The following RBMS3 variants were observed in gnomAD, a reference collection of about 807,000 sequenced individuals.
RBMS3 encodes the protein RNA binding motif single stranded interacting protein 3.
A neutral mutation model predicts 66.8 loss-of-function variants in RBMS3; 27 were observed. The ratio of observed to expected loss-of-function variants is 0.40; its 90% confidence interval spans 0.30 to 0.56. The LOEUF is 0.56. RBMS3 is among the 20% of genes least tolerant of loss of function. RBMS3 has a pLI of 0.40. For missense variants in RBMS3, 513 were observed against 549.5 expected, an observed-to-expected ratio of 0.93 and a Z score of 0.66; for synonymous variants, 188 against 183.0, an observed-to-expected ratio of 1.03 and a Z score of -0.22.
intron 12 of RBMS3, among the ~76,000 whole-genome samples, chr3:29,956,863 C>G (rs1696080795): frequency 6.6e-6 from 1 of 152,042 alleles, no homozygotes. Context: ...TTAGCCTGTG[C>G]AACAAGGCCC....
intron 1 of RBMS3, among the ~76,000 whole-genome samples, chr3:29,309,236 G>C (rs2034221776): frequency 1.3e-5 from 2 of 151,664 alleles, no homozygotes; most frequent in South Asian, 4.1e-4. Context: ...GGAGATATAG[G>C]AGAAAGAACA....
At chr3:29,557,694 AG>A (rs2046410521) in intron 3 of RBMS3, among the ~76,000 whole-genome samples, 1 of 152,196 alleles carries the variant, frequency 6.6e-6, no homozygotes, top group Non-Finnish European at 1.5e-5. Flanking sequence ...TAGAGCATAC[AG>A]GTGGCCTAAA....
intron 1 of RBMS3, among the ~76,000 whole-genome samples, chr3:29,293,433 C>G (rs1474275395): frequency 1.3e-5 from 2 of 151,746 alleles, no homozygotes; most frequent in African/African-American, 4.8e-5. Context: ...AGGAGCAGGT[C>G]AGTTGAGGGT....
At chr3:29,994,971 C>T (rs1488138765) in intron 14 of RBMS3, among the ~76,000 whole-genome samples, 1 of 152,204 alleles carries the variant, frequency 6.6e-6, no homozygotes, top group African/African-American at 2.4e-5. Context: ...GATCAAATTA[C>T]TCTGAGCTAT....
At chr3:29,450,869 A>C (rs546153151) in intron 2 of RBMS3, among the ~76,000 whole-genome samples, 77 of 151,558 alleles carry the variant, frequency 5.1e-4, no homozygotes, top group African/African-American at 1.7e-3. Flanking sequence ...CCCAGTACCC[A>C]CCAGCACGTA....
At chr3:29,700,747 G>A (rs2149287549) in intron 4 of RBMS3, among the ~76,000 whole-genome samples, 1 of 151,952 alleles carries the variant, frequency 6.6e-6, no homozygotes, top group East Asian at 1.9e-4. Flanking sequence ...GGGGAGAAGG[G>A]AATATTTTTC....
chr3:29,771,158 C>T (rs946574198), intron 6 of RBMS3, among the ~76,000 whole-genome samples: 3 of 151,952 alleles, frequency 2.0e-5, no homozygotes, highest in African/African-American at 7.2e-5. Context: ...TTATTTCTTA[C>T]GTCTTTCAGC....
At chr3:29,381,312 C>T (rs186403482) in intron 1 of RBMS3, among the ~76,000 whole-genome samples, 54 of 152,300 alleles carry the variant, frequency 3.5e-4, no homozygotes, top group African/African-American at 1.2e-3. Context: ...TACTTATCAA[C>T]ATCCTACCTG....
intron 1 of RBMS3, among the ~76,000 whole-genome samples, chr3:29,321,984 A>G (rs996788750): frequency 6.6e-6 from 1 of 152,186 alleles, no homozygotes; most frequent in African/African-American, 2.4e-5. Context: ...GATCCCAATC[A>G]TGCCCTTAAT....
At chr3:29,964,004 G>A (rs567889817) in intron 12 of RBMS3, among the ~76,000 whole-genome samples, 1 of 152,060 alleles carries the variant, frequency 6.6e-6, no homozygotes, top group South Asian at 2.1e-4. Context: ...TTCATTGTAT[G>A]TAGAACACCT....
rs558150299 is a variant in RBMS3 at position 29,926,518 on chromosome 3, C to T, written c.940-9568C>T. On this transcript the variant is annotated intron_variant, in intron 10 of 14. Transcript: ENST00000383767. ...AGGCAGCTATTTCTCTTGATCGCCC[C>T]TGTGGTTTGAGCAATGATTTTCCAG... is the stretch of plus-strand genomic sequence containing the variant. 1.3e-5 allele frequency among the ~76,000 whole-genome samples: 2 copies of T among 152,246 alleles called. 1 individual carries two copies. Among genetic ancestry groups the T allele is most frequent in the South Asian group, 4.1e-4 (2 of 4,824 alleles).
At chr3:29,333,008 A>G (rs2035753209) in intron 1 of RBMS3, among the ~76,000 whole-genome samples, 1 of 152,126 alleles carries the variant, frequency 6.6e-6, no homozygotes, top group Non-Finnish European at 1.5e-5. Context: ...ATATAGAAAA[A>G]TTTCAGTAAC....
intron 8 of RBMS3, among the ~76,000 whole-genome samples, chr3:29,896,881 T>C (rs887799741): frequency 6.6e-6 from 1 of 151,616 alleles, no homozygotes; most frequent in Non-Finnish European, 1.5e-5. Context: ...TCGATACAAA[T>C]TGTCCTGTTG....
At chr3:29,574,857 ACACAC>A (rs1227593618) in intron 3 of RBMS3, among the ~76,000 whole-genome samples, 1 of 144,708 alleles carries the variant, frequency 6.9e-6, no homozygotes, top group Non-Finnish European at 1.5e-5. Context: ...ACACACACAC[ACACAC>A]AAGAAAATTA....
chr3:29,836,849 G>C (rs1169889361), intron 6 of RBMS3, among the ~76,000 whole-genome samples: 1 of 150,938 alleles, frequency 6.6e-6, no homozygotes, highest in Non-Finnish European at 1.5e-5. Flanking sequence ...ATTTTTACTT[G>C]TTAATTATGC....
chr3:29,834,453 G>A (rs1345810434), intron 6 of RBMS3, among the ~76,000 whole-genome samples: 1 of 151,856 alleles, frequency 6.6e-6, no homozygotes, highest in African/African-American at 2.4e-5. Context: ...ACTTAAAATG[G>A]GGTGGGCAGC....
chr3:29,807,191 G>C, intron 6 of RBMS3, among the ~76,000 whole-genome samples: 1 of 151,894 alleles, frequency 6.6e-6, no homozygotes, highest in South Asian at 2.1e-4. Flanking sequence ...ACATAAAACT[G>C]TCAGTATCAA....
chr3:29,826,770 G>T (rs1250975680), intron 6 of RBMS3, among the ~76,000 whole-genome samples: 3 of 151,924 alleles, frequency 2.0e-5, no homozygotes, highest in Non-Finnish European at 2.9e-5. Flanking sequence ...CCATTTTGGT[G>T]GCTTACTTAT....
intron 1 of RBMS3, among the ~76,000 whole-genome samples, chr3:29,429,952 TA>T (rs1424051230): frequency 2.6e-4 from 40 of 152,106 alleles, no homozygotes; most frequent in East Asian, 9.7e-4. Flanking sequence ...TTTATTTATT[TA>T]TTTATTTATT....
Sources: allele counts gnomAD v4.1 joint callset (sites outside exome capture counted in the v4.1 genomes callset), GRCh38; gene constraint gnomAD v4.1.1; transcripts MANE v1.5; gene names NCBI Gene and HGNC (gene_info 2026-07-23, HGNC 2026-07-21).